Variants in SPATA7 observed in about 807,000 individuals in gnomAD.
The protein encoded by SPATA7 is spermatogenesis associated 7, also known as spermatogenesis-associated protein 7.
A neutral mutation model predicts 51.8 loss-of-function variants in SPATA7; 43 were observed. That is an observed-to-expected ratio of 0.83 (90% CI 0.65 to 1.07). The LOEUF is 1.07. Among genes scored for constraint, SPATA7 ranks in the 50% least tolerant of loss-of-function variants. The probability of loss-of-function intolerance (pLI) is 0.00; values close to 1 mark genes in which losing one functional copy is unlikely to be tolerated. For missense variants in SPATA7, 683 were observed against 701.3 expected, an observed-to-expected ratio of 0.97 and a Z score of 0.30; for synonymous variants, 230 against 252.8, an observed-to-expected ratio of 0.91 and a Z score of 0.86.
At chr14:88,453,822 A>G (rs1218056239) in intron 3 of SPATA7, among the ~76,000 whole-genome samples, 1 of 152,216 alleles carries the variant, frequency 6.6e-6, no homozygotes, top group Non-Finnish European at 1.5e-5. Context: ...AGATGGAACC[A>G]GTAAGGAATA....
intron 5 of SPATA7, among the ~76,000 whole-genome samples, chr14:88,419,438 TTTC>T (rs1256017217): frequency 1.3e-5 from 2 of 151,874 alleles, no homozygotes; most frequent in East Asian, 1.9e-4. Flanking sequence ...ATCTTAATGT[TTTC>T]TTCTTTTTTT....
intron 4 of SPATA7, chr14:88,466,103 T>TAG (rs2077358458): frequency 6.6e-6 from 1 of 152,152 alleles, no homozygotes; most frequent in Non-Finnish European, 1.5e-5. Context: ...GCACTTTTTC[T>TAG]AGAGATGGAA....
At chr14:88,391,707 A>T (rs548867079) in intron 2 of SPATA7, 97 of 539,982 alleles carry the variant, frequency 1.8e-4, no homozygotes, top group African/African-American at 1.7e-3. Flanking sequence ...GCCCAGCTCT[A>T]CTTTTGCCAG....
chr14:88,465,545 T>TAATC (rs149346836), intron 4 of SPATA7, among the ~76,000 whole-genome samples: 5,767 of 152,218 alleles, frequency 0.038, 351 homozygotes, highest in African/African-American at 0.13. Context: ...AAGACCCCAC[T>TAATC]AATCAGGAAA....
intron 4 of SPATA7, among the ~76,000 whole-genome samples, chr14:88,412,737 C>T (rs1224411852): frequency 6.6e-6 from 1 of 152,154 alleles, no homozygotes; most frequent in African/African-American, 2.4e-5. Context: ...AATATATTCT[C>T]CCATTCTGTT....
At chr14:88,457,560 T>C (rs1030855710), downstream of SPATA7, among the ~76,000 whole-genome samples, 1 of 152,218 alleles carries the variant, frequency 6.6e-6, no homozygotes, top group Admixed American at 6.5e-5. Flanking sequence ...GCTTGTGATT[T>C]TTTGCACATT....
chr14:88,385,875 C>T (rs1159454823), intron 1 of SPATA7, 38 bp downstream of exon 1: 2 of 1,584,162 alleles, frequency 1.3e-6, no homozygotes, highest in Non-Finnish European at 1.7e-6. Flanking sequence ...CCGCCTCGCC[C>T]CTCGCTCCAG....
At chr14:88,434,079 T>C (rs2077010687) in intron 10 of SPATA7, among the ~76,000 whole-genome samples, 1 of 152,174 alleles carries the variant, frequency 6.6e-6, no homozygotes, top group Admixed American at 6.5e-5. Context: ...CACTGCTGAA[T>C]CGTGCACTTA....
chr14:88,459,421 A>G (rs575199965), downstream of SPATA7, among the ~76,000 whole-genome samples: 20 of 152,280 alleles, frequency 1.3e-4, no homozygotes, highest in African/African-American at 4.6e-4. Context: ...TTGGGTGCAT[A>G]TATGTTTAGG....
At chr14:88,389,246 T>G (rs2075672644) in intron 1 of SPATA7, among the ~76,000 whole-genome samples, 1 of 151,906 alleles carries the variant, frequency 6.6e-6, no homozygotes, top group Non-Finnish European at 1.5e-5. Context: ...TTTTCTTTTT[T>G]CGAGACAGGG....
chr14:88,458,468 G>A (rs373692974), downstream of SPATA7, among the ~76,000 whole-genome samples: 11 of 152,108 alleles, frequency 7.2e-5, no homozygotes, highest in East Asian at 7.7e-4. Context: ...TGTATGTGTC[G>A]AGGAATTTAT....
At chr14:88,463,908 C>T (rs935599605) in intron 4 of SPATA7, among the ~76,000 whole-genome samples, 10 of 151,896 alleles carry the variant, frequency 6.6e-5, no homozygotes, top group Admixed American at 3.3e-4. Flanking sequence ...AGTGCAGAGG[C>T]GAGATCTCGG....
chr14:88,433,769 A>C (rs2077001068), intron 10 of SPATA7, among the ~76,000 whole-genome samples: 1 of 152,174 alleles, frequency 6.6e-6, no homozygotes, highest in Non-Finnish European at 1.5e-5. Context: ...TGTGTTATGT[A>C]ACCTAGGACC....
intron 4 of SPATA7, among the ~76,000 whole-genome samples, chr14:88,396,868 C>CTTTTTTTT (rs1261739206): frequency 2.0e-5 from 2 of 101,134 alleles, no homozygotes. Flanking sequence ...CTTTTCTTTT[C>CTTTTTTTT]TTTTTTCTTT....
intron 4 of SPATA7, chr14:88,468,235 G>C (rs138228087): frequency 1.2e-6 from 2 of 1,610,094 alleles, no homozygotes; most frequent in Admixed American, 3.4e-5. Context: ...TGTTGCCTCA[G>C]CATGTCCAGC....
chr14:88,391,137 C>G (rs145459851), intron 1 of SPATA7, among the ~76,000 whole-genome samples: 1 of 152,124 alleles, frequency 6.6e-6, no homozygotes, highest in Admixed American at 6.5e-5. Context: ...GCAAACTAGC[C>G]ATCTTACCCT....
intron 3 of SPATA7, among the ~76,000 whole-genome samples, chr14:88,447,105 A>G (rs1211440629): frequency 6.7e-6 from 1 of 149,992 alleles, no homozygotes; most frequent in East Asian, 1.9e-4. Flanking sequence ...CCCATTATTA[A>G]TGTGTGGGAG....
At chr14:88,468,096 A>G in intron 4 of SPATA7, 1 of 1,608,902 alleles carries the variant, frequency 6.2e-7, no homozygotes, top group Non-Finnish European at 8.5e-7. Flanking sequence ...TTTAAGCTGT[A>G]AACGCTTCAC....
chr14:88,421,874 A>G (rs925429413), intron 5 of SPATA7, among the ~76,000 whole-genome samples: 2 of 151,466 alleles, frequency 1.3e-5, no homozygotes, highest in African/African-American at 4.9e-5. Flanking sequence ...GCTTGAGTCC[A>G]GGAGGCGGGG....
Sources: gnomAD v4.1 joint callset for allele counts (sites outside exome capture counted in the v4.1 genomes callset) on GRCh38, gnomAD v4.1.1 for gene constraint, MANE v1.5 for transcripts, NCBI Gene and HGNC (gene_info 2026-07-23, HGNC 2026-07-21) for gene names.